The following MTUS2 variants were observed in gnomAD, a reference collection of about 807,000 sequenced individuals.
MTUS2 encodes the protein microtubule-associated tumor suppressor candidate 2.
MTUS2 carries 40 observed loss-of-function variants against 114.1 expected under a neutral mutation model. The observed-to-expected ratio is 0.35, with a 90% CI of 0.27 to 0.46. The LOEUF (loss-of-function observed/expected upper bound fraction) is 0.46. MTUS2 is among the 20% of genes least tolerant of loss of function. The pLI, the probability that MTUS2 is intolerant of heterozygous loss-of-function variation, is 1.00. For synonymous variants in MTUS2, 688 were observed against 672.0 expected (o/e 1.02, Z -0.37); for missense variants, 1,679 against 1,705.4 (o/e 0.98, Z 0.27).
intron 2 of MTUS2, among the ~76,000 whole-genome samples, chr13:28,911,921 C>T (rs1029460655): frequency 7.0e-6 from 1 of 142,190 alleles, no homozygotes; most frequent in Admixed American, 7.5e-5. Context: ...CAGATAGATA[C>T]ATTGCAAAAA....
chr13:29,336,570 G>A (rs1472751474), intron 7 of MTUS2, among the ~76,000 whole-genome samples: 1 of 152,204 alleles, frequency 6.6e-6, no homozygotes, highest in Admixed American at 6.5e-5. Context: ...TGTATGAGAT[G>A]TTTATTGACC....
At chr13:29,041,325 C>T (rs1455801329) in intron 4 of MTUS2, among the ~76,000 whole-genome samples, 1 of 152,118 alleles carries the variant, frequency 6.6e-6, no homozygotes, top group African/African-American at 2.4e-5. Context: ...TTCATACCAG[C>T]ACCATACTGT....
At chr13:29,445,071 C>T (rs1482263510) in intron 9 of MTUS2, among the ~76,000 whole-genome samples, 4 of 152,218 alleles carry the variant, frequency 2.6e-5, no homozygotes, top group African/African-American at 9.6e-5. Flanking sequence ...ACTGTATCTT[C>T]TAGAAGGTCT....
Position 29,197,884 on chromosome 13 carries a change from T to C in MTUS2, c.2645-83820T>C, listed in dbSNP as rs545606771. On this transcript the variant is annotated intron_variant, in intron 5 of 15. Coordinates refer to ENST00000612955, the MANE Select transcript of MTUS2 (RefSeq NM_001033602.4). ...TTTTTAGAAGTTCCTGTTCATATCC[T>C]TTGCCCATTTTTGATGGGTTTGTTT... Among the ~76,000 whole-genome samples the C allele has an allele frequency of 3.9e-5, 6 of 152,354 alleles. No homozygotes were observed. In the South Asian group the frequency reaches 1.2e-3, roughly 32 times the overall value.
chr13:29,104,433 TAGAGTC>T (rs71764694), intron 5 of MTUS2, among the ~76,000 whole-genome samples: 26,567 of 152,088 alleles, frequency 0.17, 2,649 homozygotes, highest in Middle Eastern at 0.24. Flanking sequence ...AAGCAAATCT[TAGAGTC>T]AGAGCTGACT....
chr13:29,404,055 G>A (rs1593406320), intron 8 of MTUS2, among the ~76,000 whole-genome samples: 1 of 151,610 alleles, frequency 6.6e-6, no homozygotes, highest in South Asian at 2.1e-4. Context: ...CTACTACAGT[G>A]GTTTCAAGTC....
At chr13:29,413,181 T>C (rs73444003) in intron 8 of MTUS2, among the ~76,000 whole-genome samples, 1,539 of 152,298 alleles carry the variant, frequency 0.01, 27 homozygotes, top group African/African-American at 0.035. Flanking sequence ...AACATACTTA[T>C]AGGTTCTGGG....
Position 29,114,227 on chromosome 13 carries a change from T to C in MTUS2, c.2644+13257T>C, listed in dbSNP as rs117369272. Among the ~76,000 whole-genome samples, 1,413 of 152,242 alleles carry C rather than the reference T, an allele frequency of 9.3e-3. 18 individuals are homozygous for C. Among genetic ancestry groups the C allele is most frequent in the Middle Eastern group, 0.024 (7 of 292 alleles). Reference sequence around the variant, plus strand: ...GCAATATGAGAACAGACTAATACAGTTGGTGACATAGAGCTAATGAAGATC... The same window carrying C: ...GCAATATGAGAACAGACTAATACAGCTGGTGACATAGAGCTAATGAAGATC... On this transcript the variant is annotated intron_variant, in intron 5 of 15. Coordinates refer to ENST00000612955, the MANE Select transcript of MTUS2 (RefSeq NM_001033602.4).
intron 11 of MTUS2, among the ~76,000 whole-genome samples, chr13:29,488,576 G>A (rs374796261): frequency 2.6e-5 from 4 of 151,630 alleles, no homozygotes; most frequent in Non-Finnish European, 2.9e-5. Context: ...CCTCCAGCCC[G>A]AGTAGCTGGG....
intron 2 of MTUS2, 98 bp downstream of exon 2, chr13:28,839,948 A>G (rs913911388): frequency 6.7e-6 from 1 of 150,088 alleles, no homozygotes; most frequent in Non-Finnish European, 1.5e-5. Context: ...CTCAAGGTAA[A>G]TAGCTGGTGG....
intron 2 of MTUS2, among the ~76,000 whole-genome samples, chr13:28,989,225 C>A (rs565370527): frequency 6.6e-6 from 1 of 152,220 alleles, no homozygotes; most frequent in East Asian, 1.9e-4. Flanking sequence ...GCCACAGAGT[C>A]CAGGCAGGCT....
intron 2 of MTUS2, among the ~76,000 whole-genome samples, chr13:28,959,536 A>G (rs1883225742): frequency 3.0e-5 from 1 of 33,290 alleles, no homozygotes; most frequent in African/African-American, 7.9e-5. Flanking sequence ...GCTGTACACA[A>G]AGTATTAGTG....
chr13:29,135,167 C>G (rs1342771164), intron 5 of MTUS2, among the ~76,000 whole-genome samples: 1 of 152,176 alleles, frequency 6.6e-6, no homozygotes, highest in Non-Finnish European at 1.5e-5. Context: ...TGTGCACTAC[C>G]CACTTATTAG....
chr13:28,921,098 C>T (rs1881018077), intron 2 of MTUS2, among the ~76,000 whole-genome samples: 1 of 152,212 alleles, frequency 6.6e-6, no homozygotes, highest in Non-Finnish European at 1.5e-5. Flanking sequence ...TTTACATTTC[C>T]CCTTGTTTTT....
intron 5 of MTUS2, among the ~76,000 whole-genome samples, chr13:29,233,344 A>G (rs1896409406): frequency 6.6e-6 from 1 of 152,174 alleles, no homozygotes; most frequent in Non-Finnish European, 1.5e-5. Flanking sequence ...CAGACTTGTG[A>G]TATCACCAGG....
Position 29,047,555 on chromosome 13 carries a change from T to C in MTUS2, c.2446+13430T>C, listed in dbSNP as rs543780566. 1.8e-3 allele frequency among the ~76,000 whole-genome samples: 266 copies of C among 149,776 alleles called. 1 individual carries two copies. Among genetic ancestry groups the C allele is most frequent in the African/African-American group, 5.8e-3 (235 of 40,650 alleles). ...CTGAGACAGAGTCTTGCTGTGTCGC[T>C]CAGGCTGGAGTGCAGTGGCGCAATC... On this transcript the variant is annotated intron_variant, in intron 4 of 15. Coordinates refer to ENST00000612955, the MANE Select transcript of MTUS2 (RefSeq NM_001033602.4).
chr13:29,029,750 G>A (rs929416232), intron 3 of MTUS2, among the ~76,000 whole-genome samples: 5 of 152,178 alleles, frequency 3.3e-5, no homozygotes, highest in Non-Finnish European at 5.9e-5. Context: ...CATTGATCAC[G>A]TGGTGAGAGA....
intron 5 of MTUS2, among the ~76,000 whole-genome samples, chr13:29,226,746 T>C (rs910218242): frequency 6.6e-6 from 1 of 152,174 alleles, no homozygotes. Context: ...TCTATGCCTT[T>C]GAATAGCCAA....
intron 6 of MTUS2, among the ~76,000 whole-genome samples, chr13:29,303,403 A>T (rs990126672): frequency 6.6e-6 from 1 of 152,198 alleles, no homozygotes; most frequent in African/African-American, 2.4e-5. Flanking sequence ...ACTAAGAATC[A>T]TGATAATACT....
Sources: gnomAD v4.1 joint callset for allele counts (sites outside exome capture counted in the v4.1 genomes callset) on GRCh38, gnomAD v4.1.1 for gene constraint, MANE v1.5 for transcripts, NCBI Gene and HGNC (gene_info 2026-07-23, HGNC 2026-07-21) for gene names.